PCDHA6: variants seen among roughly 807,000 people sequenced by gnomAD.
PCDHA6 encodes the protein protocadherin alpha-6.
A neutral mutation model predicts 60.3 loss-of-function variants in PCDHA6; 55 were observed. The observed-to-expected ratio is 0.91, with a 90% CI of 0.73 to 1.14. The LOEUF (loss-of-function observed/expected upper bound fraction) is 1.14, where lower values mean the gene tolerates loss of function less well. Among genes scored for constraint, PCDHA6 ranks in the 50% most tolerant of loss-of-function variants. PCDHA6 has a pLI of 0.00. For missense variants in PCDHA6, 1,327 were observed against 1,256.5 expected (o/e 1.06, Z -0.85); for synonymous variants, 652 against 557.9 (o/e 1.17, Z -2.38).
chr5:140,941,191 T>TTTTTTTC lies in PCDHA6; in HGVS notation c.2395-37755_2395-37754insTTTCTTT, dbSNP rs1554213809. ...CATCTTGAACATCCTGCTTCTTTTT[T>TTTTTTTC]TTTCTTTCTTCCTTTCTTTCTTCCT... is the stretch of plus-strand genomic sequence containing the variant. On this transcript the variant is annotated intron_variant, in intron 1 of 3. Coordinates refer to ENST00000529310, the MANE Select transcript of PCDHA6 (RefSeq NM_018909.4). Among the ~76,000 whole-genome samples, 30 of 93,254 alleles carry TTTTTTTC rather than the reference T, an allele frequency of 3.2e-4. 1 individual carries two copies. Among genetic ancestry groups the TTTTTTTC allele is most frequent in the Admixed American group, 1.8e-3 (15 of 8,146 alleles). The allele number at this position is 93,254 out of a possible 152,430, so 61.2% of individuals were successfully genotyped here.
At position 140,849,972 on chromosome 5, in the gene PCDHA6, T is replaced by C. The variant is rs2150460905; in HGVS notation, c.2394+19487T>C. On this transcript the variant is annotated intron_variant, in intron 1 of 3. Transcript: ENST00000529310. The stretch of plus-strand genomic sequence containing the variant: ...GCAGGAGAACGCCCTGGTGTCCTAC[T>C]CGCTGGTGGAGCGGCGGTTGGGCGA... 4 of 1,597,588 alleles carry C rather than the reference T, an allele frequency of 2.5e-6. 1 individual carries two copies. Among genetic ancestry groups the C allele is most frequent in the Non-Finnish European group, 3.4e-6 (4 of 1,167,892 alleles).
chr5:140,863,266 G>T, intron 1 of PCDHA6: 2 of 1,458,576 alleles, frequency 1.4e-6, no homozygotes, highest in Non-Finnish European at 1.9e-6. Context: ...CCGGGAGGCA[G>T]CGCTGGTGGA....
chr5:140,981,687 A>T (rs1283182396), intron 2 of PCDHA6, among the ~76,000 whole-genome samples: 1 of 151,972 alleles, frequency 6.6e-6, no homozygotes, highest in Non-Finnish European at 1.5e-5. Flanking sequence ...CCTCCCTTCC[A>T]TCATTCATTC....
rs782157769 is a variant in PCDHA6, at chr5:140,877,409, G to T, written c.2394+46924G>T. On this transcript the variant is annotated intron_variant, in intron 1 of 3. Coordinates refer to ENST00000529310, the MANE Select transcript of PCDHA6 (RefSeq NM_018909.4). ...GATGAGGCGGACGCTCCGCGCCACC[G>T]CCTGCTGGTGCTGGTGAAGGACCAC... 11 of 1,613,802 alleles carry T rather than the reference G, an allele frequency of 6.8e-6. No homozygotes were observed. The African/African-American group carries it at 1.3e-4, about 20-fold the overall frequency.
intron 1 of PCDHA6, among the ~76,000 whole-genome samples, chr5:140,934,826 A>C (rs556197038): frequency 1.1e-4 from 17 of 152,294 alleles, no homozygotes; most frequent in South Asian, 1.0e-3. Context: ...TAACTTTGGC[A>C]AGTTGGGAAC....
intron 1 of PCDHA6, chr5:140,869,081 T>C: frequency 6.3e-7 from 1 of 1,581,722 alleles, no homozygotes; most frequent in Non-Finnish European, 8.6e-7. Flanking sequence ...AGAAGCTTAT[T>C]TTGGAAGCCA....
chr5:140,933,388 G>A lies in PCDHA6; in HGVS notation c.2395-45561G>A, dbSNP rs142801424. On this transcript the variant is annotated intron_variant, in intron 1 of 3. Transcript: ENST00000529310. Reference sequence around the variant, plus strand: ...CCCAAATTCCTTGGCTGTTCCTAGAGCCATCTGGTTACCATCTACAGATAT... The same window carrying A: ...CCCAAATTCCTTGGCTGTTCCTAGAACCATCTGGTTACCATCTACAGATAT... Among the ~76,000 whole-genome samples the A allele has an allele frequency of 5.4e-3, 828 of 152,024 alleles. 4 individuals carry two copies. The highest frequency in any genetic ancestry group is 0.019 in the African/African-American group (797 of 41,508).
intron 1 of PCDHA6, chr5:140,870,006 G>A (rs1554163702): frequency 1.2e-6 from 2 of 1,613,604 alleles, no homozygotes; most frequent in Non-Finnish European, 1.7e-6. Flanking sequence ...ATGGAGAAGT[G>A]AGGGTCAATG....
chr5:140,841,945 C>A (rs1554138662), intron 1 of PCDHA6: 1 of 1,613,782 alleles, frequency 6.2e-7, no homozygotes, highest in African/African-American at 1.3e-5. Flanking sequence ...CTCCTGCGCA[C>A]CACTTATTCC....
chr5:140,943,581 G>A (rs1022140100), intron 1 of PCDHA6, among the ~76,000 whole-genome samples: 1 of 152,168 alleles, frequency 6.6e-6, no homozygotes, highest in Non-Finnish European at 1.5e-5. Flanking sequence ...GTTGATCTGA[G>A]TGGGGCTGAA....
Position 141,009,910 on chromosome 5 carries a change from C to G in PCDHA6, c.2826C>G (p.Asn942Lys), listed in dbSNP as rs1554262551. ...CCCAGGAGAAAAAAGAGAAAGGGAA[C>G]AGCACGACTGACAACAGTGACCAGT... The part of the protein sequence containing the change: ...NKTQEKKEKG[N>K]STTDNSDQ Residue 942 changes from asparagine to lysine, a missense_variant, in exon 4 of 4, where the codon AAC (asparagine) becomes AAG (lysine). Physicochemically the swap from Asn to Lys is moderately conservative, Grantham distance 94 (BLOSUM62 0). Transcript: ENST00000529310. 28 of 1,612,616 alleles carry G rather than the reference C, an allele frequency of 1.7e-5. No homozygotes were observed. Among genetic ancestry groups the G allele is most frequent in the African/African-American group, 5.4e-5 (4 of 74,736 alleles).
Position 140,876,879 on chromosome 5 carries a change from G to C in PCDHA6, c.2394+46394G>C, listed in dbSNP as rs782299548. On this transcript the variant is annotated intron_variant, in intron 1 of 3. Coordinates refer to ENST00000529310, the MANE Select transcript of PCDHA6 (RefSeq NM_018909.4). Reference sequence around the variant, plus strand: ...CAGTGTTCGTGAAGGAGAACAACCCGCCGGGCTGCCACATCTTCACGGTGT... The same window carrying C: ...CAGTGTTCGTGAAGGAGAACAACCCCCCGGGCTGCCACATCTTCACGGTGT... The C allele has an allele frequency of 1.6e-5, 26 of 1,614,032 alleles. 1 individual carries two copies. The highest frequency in any genetic ancestry group is 2.2e-5 in the Non-Finnish European group (26 of 1,180,008).
intron 1 of PCDHA6, among the ~76,000 whole-genome samples, chr5:140,951,625 A>T (rs2094607568): frequency 6.6e-6 from 1 of 152,114 alleles, no homozygotes; most frequent in African/African-American, 2.4e-5. Flanking sequence ...CAAGGGGGAA[A>T]CCTGCCCCAT....
intron 1 of PCDHA6, among the ~76,000 whole-genome samples, chr5:140,840,943 A>G (rs1442704094): frequency 1.3e-5 from 2 of 152,054 alleles, no homozygotes; most frequent in Non-Finnish European, 2.9e-5. Flanking sequence ...TATTTGAAAT[A>G]TTGGGAAGAA....
In PCDHA6 at chr5:140,869,132, G is replaced by GCA. The variant is rs782288889; in HGVS notation, c.2394+38649_2394+38650dup. On this transcript the variant is annotated intron_variant, in intron 1 of 3. Transcript: ENST00000529310. ...TTTGGTTTTCAGAGAAGGGGATTGG[G>GCA]CACCCCACGACTACAGCTCTGGCTT... The GCA allele has an allele frequency of 1.9e-6, 3 of 1,612,054 alleles. No homozygotes were observed. The Admixed American group carries it at 5.0e-5, about 27-fold the overall frequency.
rs1375837368 is a variant in PCDHA6, at chr5:140,829,939, C to A, written c.1848C>A (p.Ser616Arg). 6.2e-7 allele frequency: 1 copy of A among 1,613,870 alleles called. No individual in the cohort carries two copies. Among genetic ancestry groups the A allele is most frequent in the African/African-American group, 1.3e-5 (1 of 74,940 alleles). Residue 616 changes from serine to arginine, a missense_variant, in exon 1 of 4, where the codon AGC (serine) becomes AGA (arginine). Coordinates refer to ENST00000529310, the MANE Select transcript of PCDHA6 (RefSeq NM_018909.4). ...WLSYELQPPA[S>R]SARFPFRVGL... ...CGTATGAGCTGCAGCCCCCGGCAAG[C>A]AGCGCTCGCTTCCCGTTTCGCGTGG... is the stretch of plus-strand genomic sequence containing the variant.
At chr5:141,007,985 A>C (rs2153994605) in intron 3 of PCDHA6, among the ~76,000 whole-genome samples, 1 of 152,322 alleles carries the variant, frequency 6.6e-6, no homozygotes, top group South Asian at 2.1e-4. Context: ...TGTATATATG[A>C]AATGTACATG....
At chr5:140,837,849 A>C (rs957584750) in intron 1 of PCDHA6, among the ~76,000 whole-genome samples, 1 of 150,852 alleles carries the variant, frequency 6.6e-6, no homozygotes, top group Non-Finnish European at 1.5e-5. Flanking sequence ...GGCTAATTTT[A>C]TTTTATTTTT....
intron 3 of PCDHA6, among the ~76,000 whole-genome samples, chr5:140,993,386 A>C (rs1435793353): frequency 6.6e-6 from 1 of 151,354 alleles, no homozygotes; most frequent in Non-Finnish European, 1.5e-5. Flanking sequence ...GGGTCCCTGA[A>C]ACTCCATCAT....
Sources: allele counts gnomAD v4.1 joint callset (sites outside exome capture counted in the v4.1 genomes callset), GRCh38; gene constraint gnomAD v4.1.1; transcripts MANE v1.5; gene names NCBI Gene and HGNC (gene_info 2026-07-23, HGNC 2026-07-21).